HDC: variants seen among roughly 807,000 people sequenced by gnomAD.
The protein encoded by HDC is histidine decarboxylase.
In HDC, 27 loss-of-function variants were observed where a neutral mutation model predicts 64.4. That is an observed-to-expected ratio of 0.42 (90% CI 0.31 to 0.58). HDC has a LOEUF of 0.58. HDC is among the 20% of genes least tolerant of loss of function. The pLI is 0.16. For synonymous variants in HDC, 305 were observed against 314.2 expected, an observed-to-expected ratio of 0.97 and a Z score of 0.31; for missense variants, 711 against 833.9, an observed-to-expected ratio of 0.85 and a Z score of 1.81.
At position 50,246,600 on chromosome 15, in the gene HDC, G is replaced by A. The variant is rs536627850; in HGVS notation, c.1140+1645C>T. On this transcript the variant is annotated intron_variant, in intron 10 of 11. Coordinates refer to ENST00000267845, the MANE Select transcript of HDC (RefSeq NM_002112.4). ...GCCCAAGCTAAGGTAGGAGCTAATC[G>A]TCAAGTCCTTGAAAGCCAGGCCCAG... Among the ~76,000 whole-genome samples the A allele has an allele frequency of 4.3e-4, 66 of 152,290 alleles. 1 individual carries two copies. The highest frequency in any genetic ancestry group is 1.1e-3 in the Admixed American group (17 of 15,302).
intron 1 of HDC, among the ~76,000 whole-genome samples, chr15:50,264,379 G>A (rs2045742047): frequency 6.6e-6 from 1 of 151,970 alleles, no homozygotes; most frequent in Admixed American, 6.5e-5. Context: ...TGGGAAATGT[G>A]GCACCAAATC....
rs1488931255 is a variant in HDC, at chr15:50,243,169, G to T, written c.1216C>A (p.Leu406Ile). 20 of 1,613,850 alleles carry T rather than the reference G, an allele frequency of 1.2e-5. No individual in the cohort carries two copies. Among genetic ancestry groups the T allele is most frequent in the Admixed American group, 3.3e-5 (2 of 60,008 alleles). Residue 406 changes from leucine to isoleucine, a missense_variant, in exon 11 of 12, where the codon CTT (leucine) becomes ATT (isoleucine). By Grantham distance (5) the Leu-to-Ile change is conservative. Transcript: ENST00000267845. ...TTTAGACGAAAAACCACCAGGCCAAGGTGCCTCTTGGCAGGAATTTCAAAG... is the reference window on the plus strand; with the variant it reads ...TTTAGACGAAAAACCACCAGGCCAATGTGCCTCTTGGCAGGAATTTCAAAG... ...PSFEIPAKRH[L>I]GLVVFRLKGP...
Position 50,243,017 on chromosome 15 carries a change from A to G in HDC, c.1243-11T>C. On this transcript the variant is annotated splice_polypyrimidine_tract_variant and intron_variant, in intron 11 of 11. Coordinates refer to ENST00000267845, the MANE Select transcript of HDC (RefSeq NM_002112.4). Reference sequence around the variant, plus strand: ...GAGACAATTAGGACCCTGTTTGAAAAATAAAGGAAGTGAAGTCTCCATCGC... The same window carrying G: ...GAGACAATTAGGACCCTGTTTGAAAGATAAAGGAAGTGAAGTCTCCATCGC... 6.2e-7 allele frequency: 1 copy of G among 1,614,160 alleles called. No homozygotes were observed. The highest frequency in any genetic ancestry group is 8.5e-7 in the Non-Finnish European group (1 of 1,180,028).
chr15:50,261,333 A>G (rs1207337300), intron 2 of HDC, among the ~76,000 whole-genome samples: 2 of 152,212 alleles, frequency 1.3e-5, no homozygotes, highest in African/African-American at 4.8e-5. Context: ...CCCAGATTAC[A>G]GTTAGCCCCT....
In HDC at chr15:50,243,018, A is replaced by G. The variant is rs779919187; in HGVS notation, c.1243-12T>C. On this transcript the variant is annotated splice_polypyrimidine_tract_variant and intron_variant, in intron 11 of 11. Coordinates refer to ENST00000267845, the MANE Select transcript of HDC (RefSeq NM_002112.4). ...AGACAATTAGGACCCTGTTTGAAAA[A>G]TAAAGGAAGTGAAGTCTCCATCGCA... is the stretch of plus-strand genomic sequence containing the variant. The G allele has an allele frequency of 2.5e-6, 4 of 1,614,120 alleles. No homozygotes were observed. The East Asian group carries it at 8.9e-5, about 36-fold the overall frequency.
intron 4 of HDC, among the ~76,000 whole-genome samples, 167 bp from the exon 5 acceptor site, chr15:50,254,831 A>G (rs1000901051): frequency 1.3e-5 from 2 of 151,852 alleles, no homozygotes; most frequent in Non-Finnish European, 2.9e-5. Flanking sequence ...AGAAGGAAAT[A>G]CACAGCTCCT....
chr15:50,257,702 C>G (rs2045651178), intron 3 of HDC, among the ~76,000 whole-genome samples, 155 bp from the exon 4 acceptor site: 1 of 152,214 alleles, frequency 6.6e-6, no homozygotes, highest in Admixed American at 6.5e-5. Flanking sequence ...GGTCCACTCT[C>G]TGTCAACCAA....
rs1019485567 is a variant in HDC, at chr15:50,241,990, C to G, written c.*270G>C. 2.2e-5 allele frequency: 12 copies of G among 556,486 alleles called. No individual in the cohort carries two copies. In the South Asian group the frequency reaches 2.7e-4, roughly 12 times the overall value. The allele number at this position is 556,486 out of a possible 1,614,324, so 34.5% of individuals were successfully genotyped here. ...CATAATTTATTTCTGTGTTATATAT[C>G]ATGTCACAAGCTGAACCACAGAAGC... is the stretch of plus-strand genomic sequence containing the variant. On this transcript the variant is annotated 3_prime_UTR_variant, in exon 12 of 12. Transcript: ENST00000267845.
intron 3 of HDC, among the ~76,000 whole-genome samples, chr15:50,257,979 C>T (rs1202542816): frequency 2.4e-5 from 3 of 124,376 alleles, no homozygotes; most frequent in Non-Finnish European, 4.7e-5. Context: ...CCATTTAAAG[C>T]TGAGTGGTGC....
In HDC at chr15:50,257,424, C is replaced by A. The variant is rs1336856971; in HGVS notation, c.441+1G>T. 6.2e-7 allele frequency: 1 copy of A among 1,614,176 alleles called. No individual in the cohort carries two copies. The highest frequency in any genetic ancestry group is 1.1e-5 in the South Asian group (1 of 91,084). Reference sequence around the variant, plus strand: ...AGGTGAAGCTTTGCCAAGGGAGGTACCTGCAGGACGCCTCCGCCCTGGCTG... The same window carrying A: ...AGGTGAAGCTTTGCCAAGGGAGGTAACTGCAGGACGCCTCCGCCCTGGCTG... On this transcript the variant is annotated splice_donor_variant, in intron 4 of 11. Coordinates refer to ENST00000267845, the MANE Select transcript of HDC (RefSeq NM_002112.4). LOFTEE classifies it high-confidence loss of function.
In HDC at chr15:50,258,208, G is replaced by T. The variant is rs184770443; in HGVS notation, c.318+196C>A. Among the ~76,000 whole-genome samples, 527 of 152,172 alleles carry T rather than the reference G, an allele frequency of 3.5e-3. 2 individuals are homozygous for T. The highest frequency in any genetic ancestry group is 6.8e-3 in the Admixed American group (104 of 15,284). On this transcript the variant is annotated intron_variant, in intron 3 of 11. Transcript: ENST00000267845. ...CCTCGATTTCTTCACCTACAAAATG[G>T]GATCAATACTCGTGATTCCATAGGG... is the stretch of plus-strand genomic sequence containing the variant.
In HDC at chr15:50,242,423, G is replaced by A. The variant is rs144259269; in HGVS notation, c.1826C>T (p.Ser609Phe). 3 of 1,614,102 alleles carry A rather than the reference G, an allele frequency of 1.9e-6. No individual in the cohort carries two copies. Among genetic ancestry groups the A allele is most frequent in the African/African-American group, 1.3e-5 (1 of 75,026 alleles). ...CCTGGAAAAGATTCTGACCCTGGAG[G>A]AGCCCCCATTCTTCACAGAGGCCTC... ...PTEASVKNGGSSRVRIFSRFP... is the reference protein window; with the variant it reads ...PTEASVKNGGFSRVRIFSRFP... Residue 609 changes from serine to phenylalanine, a missense_variant, in exon 12 of 12, where the codon TCC (serine) becomes TTC (phenylalanine). Ser to Phe is a radical substitution (Grantham distance 155). Around this residue, in one of 3 missense-constraint regions of HDC, gnomAD observed 483 missense variants for 540.9 expected, o/e 0.89. Transcript: ENST00000267845.
At chr15:50,252,558 C>T (rs775042396) in intron 8 of HDC, 38 bp from the exon 9 acceptor site, 7 of 1,614,162 alleles carry the variant, frequency 4.3e-6, no homozygotes, top group African/African-American at 1.3e-5. Context: ...GCTGAGGTCT[C>T]TCCAGAGGAG....
intron 2 of HDC, among the ~76,000 whole-genome samples, chr15:50,261,897 C>T (rs936733980): frequency 2.6e-5 from 4 of 151,866 alleles, no homozygotes; most frequent in East Asian, 1.9e-4. Context: ...TTAGTAGAGA[C>T]GGGGTTTCTC....
chr15:50,244,388 GAACT>G (rs1213220156), intron 10 of HDC, among the ~76,000 whole-genome samples: 1 of 142,320 alleles, frequency 7.0e-6, no homozygotes, highest in African/African-American at 2.6e-5. Context: ...CTGCAGCCTT[GAACT>G]CCTGAGCTCA....
chr15:50,244,924 T>C (rs1327657324), intron 10 of HDC: 2 of 152,234 alleles, frequency 1.3e-5, no homozygotes, highest in Admixed American at 6.5e-5. Flanking sequence ...CGTGCCCCTG[T>C]GCCCAGCTCA....
At chr15:50,263,576 C>A (rs577487973) in intron 1 of HDC, 169 bp from the exon 2 acceptor site, 1 of 673,404 alleles carries the variant, frequency 1.5e-6, no homozygotes, top group Non-Finnish European at 2.7e-6. Flanking sequence ...CTGAGGCAGG[C>A]GGATCACGAG....
At position 50,252,758 on chromosome 15, in the gene HDC, C is replaced by A; in HGVS notation, c.804G>T (p.Leu268=). 6.2e-7 allele frequency: 1 copy of A among 1,613,570 alleles called. No individual in the cohort carries two copies. The highest frequency in any genetic ancestry group is 8.5e-7 in the Non-Finnish European group (1 of 1,179,816). Reference sequence around the variant, plus strand: ...CATAAGCAGCATCGATGTGGAGCCACAGCCCCTCACGGGCACCTGAGGAGG... The same window carrying A: ...CATAAGCAGCATCGATGTGGAGCCAAAGCCCCTCACGGGCACCTGAGGAGG... ...ELGPICAREG[L]WLHIDAAYAG... The change falls in exon 8 of 12, where the codon CTG becomes CTT. Residue 268 remains leucine (L), a synonymous_variant. Transcript: ENST00000267845.
rs1048806535 is a variant in HDC, at chr15:50,254,506, G to A, written c.576+24C>T. ...CAGAAGCCAAGCACCAACCCGAAGGGCTGTCCTGCGTCGGGCAACTCACCT... is the reference window on the plus strand; with the variant it reads ...CAGAAGCCAAGCACCAACCCGAAGGACTGTCCTGCGTCGGGCAACTCACCT... On this transcript the variant is annotated intron_variant, in intron 5 of 11. Coordinates refer to ENST00000267845, the MANE Select transcript of HDC (RefSeq NM_002112.4). 1.9e-6 allele frequency: 3 copies of A among 1,613,994 alleles called. No individual in the cohort carries two copies. The African/African-American group carries it at 4.0e-5, about 22-fold the overall frequency.
Sources: gnomAD v4.1 joint callset for allele counts (sites outside exome capture counted in the v4.1 genomes callset) on GRCh38, gnomAD v4.1.1 for gene constraint, gnomAD v4.1.1 regional missense constraint, MANE v1.5 for transcripts, NCBI Gene and HGNC (gene_info 2026-07-23, HGNC 2026-07-21) for gene names.